Variants in CARD14 observed in about 807,000 individuals in gnomAD.
CARD14 encodes caspase recruitment domain family member 14, also known as caspase recruitment domain-containing protein 14.
In CARD14, 107 loss-of-function variants were observed where a neutral mutation model predicts 111.5. That is an observed-to-expected ratio of 0.96 (90% CI 0.82 to 1.13). The LOEUF (loss-of-function observed/expected upper bound fraction) is 1.13. Among genes scored for constraint, CARD14 ranks in the 50% most tolerant of loss-of-function variants. CARD14 has a pLI of 0.00. For missense variants in CARD14, 1,322 were observed against 1,362.3 expected (o/e 0.97, Z 0.47); for synonymous variants, 617 against 579.6 (o/e 1.06, Z -0.93).
intron 17 of CARD14, 75 bp from the exon 18 acceptor site, chr17:80,202,105 C>G: frequency 7.2e-7 from 1 of 1,390,690 alleles, no homozygotes; most frequent in Non-Finnish European, 1.0e-6. Context: ...TTCTCTCCTA[C>G]TTTAATTTTC....
rs2041108681 is a variant in CARD14 at position 80,203,586 on chromosome 17, G to A, written c.2220-236G>A. ...CCCCCTGGGTCCCGCCCCAGGACAAGTAAATCAGCATCTCCAGGGGTGGGC... is the reference window on the plus strand; with the variant it reads ...CCCCCTGGGTCCCGCCCCAGGACAAATAAATCAGCATCTCCAGGGGTGGGC... On this transcript the variant is annotated intron_variant, in intron 18 of 23. Transcript: ENST00000648509. The surrounding 1 kb of genome is among the most constrained non-coding windows in gnomAD (Gnocchi z 4.6). 2.1e-6 allele frequency: 1 copy of A among 479,748 alleles called. No individual in the cohort carries two copies. Among genetic ancestry groups the A allele is most frequent in the African/African-American group, 2.0e-5 (1 of 49,962 alleles). 29.7% of individuals were successfully genotyped at this position (479,748 alleles called of 1,614,324 possible). A position where few individuals can be genotyped will look rare whatever the true frequency, so the allele number is the denominator to read the frequency against.
rs1567887519 is a variant in CARD14 at position 80,195,459 on chromosome 17, C to T, written c.1500-99C>T. On this transcript the variant is annotated intron_variant, in intron 13 of 23. Transcript: ENST00000648509. The surrounding 1 kb of genome is among the most constrained non-coding windows in gnomAD (Gnocchi z 4.7). ...CAGGCAGCAGCTCCTGCCCTCGAAG[C>T]CCCAGAGCTGGCAGGTGCTGGGGGC... 2.7e-6 allele frequency: 4 copies of T among 1,503,548 alleles called. No homozygotes were observed. The highest frequency in any genetic ancestry group is 2.7e-6 in the Non-Finnish European group (3 of 1,117,034). 93.1% of individuals were successfully genotyped at this position (1,503,548 alleles called of 1,614,324 possible).
At chr17:80,204,961 T>G in intron 20 of CARD14, 74 bp from the exon 21 acceptor site, 1 of 1,309,028 alleles carries the variant, frequency 7.6e-7, no homozygotes, top group Non-Finnish European at 1.0e-6. Context: ...GCAGACCCAG[T>G]CCCTCCCGGG....
In CARD14 at chr17:80,191,318, C is replaced by G. The variant is rs771844235; in HGVS notation, c.1090-5C>G. The G allele has an allele frequency of 6.2e-7, 1 of 1,606,820 alleles. No individual in the cohort carries two copies. On this transcript the variant is annotated splice_polypyrimidine_tract_variant and splice_region_variant and intron_variant, in intron 10 of 23. Transcript: ENST00000648509. Reference sequence around the variant, plus strand: ...CGGCCTCCTTACTCCCGTCGTGGCCCACAGGCGTACTCCGCGAGGGACAGT... The same window carrying G: ...CGGCCTCCTTACTCCCGTCGTGGCCGACAGGCGTACTCCGCGAGGGACAGT...
chr17:80,192,662 G>A, intron 12 of CARD14, 43 bp downstream of exon 12: 2 of 1,481,156 alleles, frequency 1.4e-6, no homozygotes, highest in South Asian at 1.2e-5. Flanking sequence ...TTGACCCTCT[G>A]GGCCAGCCCA....
At chr17:80,172,144 G>A (rs2039916614) in intron 1 of CARD14, among the ~76,000 whole-genome samples, 1 of 152,198 alleles carries the variant, frequency 6.6e-6, no homozygotes, top group Non-Finnish European at 1.5e-5. Context: ...TTATACTGCG[G>A]TAAGCCCTAG....
rs1411024608 is a variant in CARD14, at chr17:80,208,327, G to C, written c.2997G>C (p.Thr999=). The change falls in exon 24 of 24, where the codon ACG becomes ACC. Residue 999 remains threonine, a synonymous_variant. Coordinates refer to ENST00000648509, the MANE Select transcript of CARD14 (RefSeq NM_001366385.1). The part of the protein sequence containing the change: ...IADEQKKVVW[T]EQSPR ...ACGAGCAGAAGAAGGTGGTGTGGAC[G>C]GAGCAGAGCCCCCGATGATGCACCG... The C allele has an allele frequency of 7.5e-6, 12 of 1,599,876 alleles. No homozygotes were observed. Among genetic ancestry groups the C allele is most frequent in the Non-Finnish European group, 1.0e-5 (12 of 1,173,198 alleles).
In CARD14 at chr17:80,188,379, G is replaced by C; in HGVS notation, c.678G>C (p.Leu226=). The part of the protein sequence containing the change: ...ASRCRSLQEE[L]YLLKQELQRA... ...CCTGTCGCCTCCCCACCGCACAGCT[G>C]TATCTACTGAAGCAGGAGCTGCAGC... Residue 226 remains leucine (L), a splice_region_variant and synonymous_variant, in exon 8 of 24, where the codon CTG becomes CTC. Transcript: ENST00000648509. The surrounding 1 kb of genome is among the most constrained non-coding windows in gnomAD (Gnocchi z 4.5). 6.2e-7 allele frequency: 1 copy of C among 1,609,346 alleles called. No individual in the cohort carries two copies. Among genetic ancestry groups the C allele is most frequent in the Non-Finnish European group, 8.5e-7 (1 of 1,177,968 alleles).
At position 80,204,207 on chromosome 17, in the gene CARD14, T is replaced by C. The variant is rs774816663; in HGVS notation, c.2284-20T>C. ...TGGCTTCAACAGCTCCTCCTCATCC[T>C]TTCTCTGTCCCTCCTTTAGCCATCT... On this transcript the variant is annotated intron_variant, in intron 19 of 23. Transcript: ENST00000648509. 25 of 1,569,940 alleles carry C rather than the reference T, an allele frequency of 1.6e-5. No individual in the cohort carries two copies. Among genetic ancestry groups the C allele is most frequent in the African/African-American group, 4.1e-5 (3 of 73,810 alleles).
At chr17:80,173,991 C>T (rs1344943478) in intron 2 of CARD14, among the ~76,000 whole-genome samples, 1 of 151,934 alleles carries the variant, frequency 6.6e-6, no homozygotes, top group African/African-American at 2.4e-5. Context: ...CTAAAAAATC[C>T]CCAAGATTCA....
chr17:80,208,509 T>A lies in CARD14; in HGVS notation c.*164T>A, dbSNP rs532550382. The A allele has an allele frequency of 1.4e-5, 8 of 590,992 alleles. No homozygotes were observed. The East Asian group carries it at 2.3e-4, about 17-fold the overall frequency. 36.6% of individuals were successfully genotyped at this position (590,992 alleles called of 1,614,324 possible). A position where few individuals can be genotyped will look rare whatever the true frequency, so the allele number is the denominator to read the frequency against. On this transcript the variant is annotated 3_prime_UTR_variant, in exon 24 of 24. Coordinates refer to ENST00000648509, the MANE Select transcript of CARD14 (RefSeq NM_001366385.1). ...ACCTTGAACCCTCACCACGTGCAGG[T>A]CACACACAGTGAAGCCACTTGTAAC...
At chr17:80,206,808 T>C in intron 22 of CARD14, 162 bp from the exon 23 acceptor site, 1 of 427,736 alleles carries the variant, frequency 2.3e-6, no homozygotes, top group Non-Finnish European at 4.2e-6. Context: ...GAGAAGAAAG[T>C]GGCAAGCTCT....
intron 6 of CARD14, among the ~76,000 whole-genome samples, chr17:80,183,008 G>A (rs533019418): frequency 2.0e-5 from 3 of 152,274 alleles, no homozygotes; most frequent in South Asian, 2.1e-4. Context: ...CTGAAGGGTC[G>A]GTCCTTAGTT....
intron 9 of CARD14, 92 bp from the exon 10 acceptor site, chr17:80,190,678 TCTCC>T: frequency 5.0e-6 from 7 of 1,412,684 alleles, no homozygotes; most frequent in Non-Finnish European, 5.8e-6. Flanking sequence ...CCTAGAACTG[TCTCC>T]CTCCCTCCAC....
chr17:80,191,034 C>A, intron 10 of CARD14, 135 bp downstream of exon 10: 1 of 1,260,406 alleles, frequency 7.9e-7, no homozygotes, highest in Non-Finnish European at 1.1e-6. Flanking sequence ...TTCCTCGGTC[C>A]ACACGAAGTT....
chr17:80,189,877 C>T lies in CARD14; in HGVS notation c.963+5C>T, dbSNP rs779986122. The T allele has an allele frequency of 1.1e-5, 18 of 1,592,488 alleles. No homozygotes were observed. In the East Asian group the frequency reaches 2.4e-4, roughly 21 times the overall value. On this transcript the variant is annotated splice_donor_5th_base_variant and intron_variant, in intron 9 of 23. Transcript: ENST00000648509. The surrounding 1 kb of genome is among the most constrained non-coding windows in gnomAD (Gnocchi z 4.7). ...GCCGAGAGGCAGCGAGAGCAGGTGC[C>T]GTGTGAGCCCTTCCTCCCTTGTGAC...
At position 80,205,148 on chromosome 17, in the gene CARD14, G is replaced by A; in HGVS notation, c.2512G>A (p.Gly838Arg). The A allele has an allele frequency of 1.2e-6, 2 of 1,613,804 alleles. No individual in the cohort carries two copies. The highest frequency in any genetic ancestry group is 1.7e-6 in the Non-Finnish European group (2 of 1,179,956). ...TGTGCTCCTCGTGCCCAGGGCGGTT[G>A]GGAAGATCCTGAGCGAGAAACTGTG... ...RPVLLVPRAVGKILSEKLCLL... is the reference protein window; with the variant it reads ...RPVLLVPRAVRKILSEKLCLL... Residue 838 changes from glycine to arginine, a missense_variant, in exon 21 of 24, where the codon GGG (glycine) becomes AGG (arginine). Coordinates refer to ENST00000648509, the MANE Select transcript of CARD14 (RefSeq NM_001366385.1).
chr17:80,192,331 G>A, intron 11 of CARD14, 172 bp from the exon 12 acceptor site: 1 of 597,134 alleles, frequency 1.7e-6, no homozygotes, highest in South Asian at 2.3e-5. Flanking sequence ...GGCAGCGCCT[G>A]TGATCCTGTG....
chr17:80,193,218 C>G (rs1051878744), intron 12 of CARD14, among the ~76,000 whole-genome samples: 1 of 152,188 alleles, frequency 6.6e-6, no homozygotes, highest in African/African-American at 2.4e-5. Flanking sequence ...CCGATTCAAC[C>G]TGGCACAGAC....
Sources: gnomAD v4.1 joint callset for allele counts (sites outside exome capture counted in the v4.1 genomes callset) on GRCh38, gnomAD v4.1.1 for gene constraint, Gnocchi (gnomAD v3.1) non-coding constraint, MANE v1.5 for transcripts, NCBI Gene and HGNC (gene_info 2026-07-23, HGNC 2026-07-21) for gene names.